Variants in SHANK2 observed in about 807,000 individuals in gnomAD.
The protein encoded by SHANK2 is SH3 and multiple ankyrin repeat domains protein 2.
SHANK2 carries 43 observed loss-of-function variants against 133.7 expected under a neutral mutation model. That is an observed-to-expected ratio of 0.32 (90% CI 0.25 to 0.41). The LOEUF is 0.41. Ranked by LOEUF, SHANK2 falls within the 10% of genes least tolerant of loss-of-function variation. The probability of loss-of-function intolerance (pLI) is 1.00; values close to 1 mark genes in which losing one functional copy is unlikely to be tolerated. For synonymous variants in SHANK2, 1,017 were observed against 952.8 expected (o/e 1.07, Z -1.24); for missense variants, 1,994 against 2,235.8 (o/e 0.89, Z 2.18).
At position 71,153,618 on chromosome 11, in the gene SHANK2, C is replaced by G. The variant is rs560691961; in HGVS notation, c.-12-6280G>C. 6.6e-4 allele frequency among the ~76,000 whole-genome samples: 101 copies of G among 152,256 alleles called. 1 individual carries two copies. The highest frequency in any genetic ancestry group is 6.1e-3 in the Admixed American group (94 of 15,296). ...AAAAACAAACAAAAAACCTCACGGCCAGCGCTGACTTTGTCAAGGTTAGAG... is the reference window on the plus strand; with the variant it reads ...AAAAACAAACAAAAAACCTCACGGCGAGCGCTGACTTTGTCAAGGTTAGAG... On this transcript the variant is annotated intron_variant, in intron 2 of 25. Coordinates refer to ENST00000601538, the MANE Select transcript of SHANK2 (RefSeq NM_012309.5).
intron 14 of SHANK2, among the ~76,000 whole-genome samples, chr11:70,797,832 T>TACACACATAC (rs1555049502): frequency 5.6e-4 from 79 of 142,040 alleles, no homozygotes; most frequent in Non-Finnish European, 6.4e-4. Context: ...TCCACTCTCA[T>TACACACATAC]ACACACACAC....
rs1167622640 is a variant in SHANK2, at chr11:70,810,388, C to T, written c.1494-3217G>A. Reference sequence around the variant, plus strand: ...GAGCTGGGAGGGGTGGGAGCCTGTACCGCAGGCACTGAGCGTCTCACGGCT... The same window carrying T: ...GAGCTGGGAGGGGTGGGAGCCTGTATCGCAGGCACTGAGCGTCTCACGGCT... On this transcript the variant is annotated intron_variant, in intron 12 of 25. Transcript: ENST00000601538. Among the ~76,000 whole-genome samples the T allele has an allele frequency of 3.3e-5, 5 of 152,240 alleles. No homozygotes were observed. In the East Asian group the frequency reaches 5.8e-4, roughly 18 times the overall value.
chr11:70,875,872 A>AG (rs1380053480), intron 11 of SHANK2, among the ~76,000 whole-genome samples: 2 of 150,672 alleles, frequency 1.3e-5, no homozygotes, highest in Non-Finnish European at 3.0e-5. Context: ...AAAAAAAAAA[A>AG]GAGGCTGGTC....
chr11:71,177,866 G>A (rs1186373699), intron 2 of SHANK2, among the ~76,000 whole-genome samples: 1 of 152,056 alleles, frequency 6.6e-6, no homozygotes, highest in Non-Finnish European at 1.5e-5. Context: ...AAACAACAAT[G>A]AGATACCACT....
At chr11:70,693,381 T>G (rs1945329830) in intron 15 of SHANK2, among the ~76,000 whole-genome samples, 1 of 152,228 alleles carries the variant, frequency 6.6e-6, no homozygotes, top group African/African-American at 2.4e-5. Context: ...GTGTCGAATC[T>G]TCTCATCACC....
intron 8 of SHANK2, among the ~76,000 whole-genome samples, chr11:71,090,649 G>C (rs1039400477): frequency 3.8e-4 from 57 of 151,740 alleles, no homozygotes; most frequent in African/African-American, 1.3e-3. Flanking sequence ...GTGTGTGTGT[G>C]TGTGTGTGTG....
chr11:70,676,208 C>A (rs777574862), intron 15 of SHANK2, among the ~76,000 whole-genome samples: 1 of 152,250 alleles, frequency 6.6e-6, no homozygotes, highest in Non-Finnish European at 1.5e-5. Context: ...GACTCTGGCA[C>A]TCTTCCCAGC....
chr11:71,085,658 T>A (rs1164153440), intron 8 of SHANK2, among the ~76,000 whole-genome samples: 20 of 9,912 alleles, frequency 2.0e-3, no homozygotes, highest in African/African-American at 2.3e-3. Flanking sequence ...TGTTATATAT[T>A]ATATTATATA....
At chr11:70,847,896 C>G (rs1404861493) in intron 11 of SHANK2, among the ~76,000 whole-genome samples, 1 of 152,240 alleles carries the variant, frequency 6.6e-6, no homozygotes, top group African/African-American at 2.4e-5. Context: ...TGGAGGACCA[C>G]CAGGAGACCA....
chr11:70,872,961 C>T (rs1555070468), intron 11 of SHANK2: 2 of 469,664 alleles, frequency 4.3e-6, no homozygotes, highest in Non-Finnish European at 8.8e-6. Context: ...ATGACCTCCA[C>T]CTCCCCCAGC....
chr11:71,085,896 ATATTAAT>A lies in SHANK2; in HGVS notation c.912+6519_912+6525del, dbSNP rs1951394284. Among the ~76,000 whole-genome samples, 2 of 33,026 alleles carry A rather than the reference ATATTAAT, an allele frequency of 6.1e-5. 1 individual carries two copies. The highest frequency in any genetic ancestry group is 1.7e-4 in the African/African-American group (2 of 11,896). 21.7% of individuals were successfully genotyped at this position (33,026 alleles called of 152,430 possible). A position where few individuals can be genotyped will look rare whatever the true frequency, so the allele number is the denominator to read the frequency against. On this transcript the variant is annotated intron_variant, in intron 8 of 25. Transcript: ENST00000601538. ...ATATATTTATATAACCTTAATATAT[ATATTAAT>A]TATATATTAATATAACATAATAAAT...
chr11:70,755,046 C>A (rs1555038469), intron 14 of SHANK2, among the ~76,000 whole-genome samples: 1 of 152,032 alleles, frequency 6.6e-6, no homozygotes, highest in African/African-American at 2.4e-5. Context: ...CCGCACAATT[C>A]CTATGTATGA....
intron 10 of SHANK2, chr11:70,950,170 T>C (rs1173297287): frequency 4.4e-6 from 2 of 455,340 alleles, no homozygotes; most frequent in Admixed American, 4.7e-5. Context: ...GTGATTCTCC[T>C]GCCTCAGCCT....
Position 70,722,567 on chromosome 11 carries a change from TA to T in SHANK2, c.1778-23805del, listed in dbSNP as rs539674559. Among the ~76,000 whole-genome samples, 163 of 152,366 alleles carry T rather than the reference TA, an allele frequency of 1.1e-3. 1 individual carries two copies. Among genetic ancestry groups the T allele is most frequent in the African/African-American group, 3.8e-3 (159 of 41,594 alleles). ...TTAGCTTGAGTTTTTTGAAATTACG[TA>T]TATTGTTAATTTTATTCTATAAGAA... On this transcript the variant is annotated intron_variant, in intron 14 of 25. Transcript: ENST00000601538.
chr11:70,661,572 C>A, intron 16 of SHANK2, 24 bp downstream of exon 16: 2 of 1,589,098 alleles, frequency 1.3e-6, no homozygotes, highest in Non-Finnish European at 1.7e-6. Context: ...GGAACATATT[C>A]AGGCTCAGAG....
At chr11:70,892,747 C>A (rs1949868182) in intron 11 of SHANK2, among the ~76,000 whole-genome samples, 2 of 152,150 alleles carry the variant, frequency 1.3e-5, no homozygotes, top group South Asian at 4.1e-4. Flanking sequence ...CAGGCCCCTG[C>A]AATTCCCCAA....
At chr11:70,599,917 A>AAG (rs781965109) in intron 17 of SHANK2, among the ~76,000 whole-genome samples, 2,195 of 76,800 alleles carry the variant, frequency 0.029, 80 homozygotes, top group African/African-American at 0.042. Context: ...GAAAGAAAGA[A>AAG]AGAAAGAAAG....
intron 2 of SHANK2, among the ~76,000 whole-genome samples, chr11:71,168,962 T>C (rs1156876242): frequency 3.3e-5 from 5 of 152,220 alleles, no homozygotes; most frequent in Admixed American, 3.3e-4. Context: ...CAAACAGTGA[T>C]TTATGAAATC....
intron 17 of SHANK2, among the ~76,000 whole-genome samples, chr11:70,547,539 G>T (rs937467457): frequency 1.3e-5 from 2 of 152,190 alleles, no homozygotes; most frequent in Middle Eastern, 3.4e-3. Context: ...GGGATTACAC[G>T]CATGAGCCAC....
Sources: allele counts gnomAD v4.1 joint callset (sites outside exome capture counted in the v4.1 genomes callset), GRCh38; gene constraint gnomAD v4.1.1; transcripts MANE v1.5; gene names NCBI Gene and HGNC (gene_info 2026-07-23, HGNC 2026-07-21).